The following MED1 variants were observed in gnomAD, a reference collection of about 807,000 sequenced individuals.
The protein encoded by MED1 is mediator complex subunit 1.
A neutral mutation model predicts 121.3 loss-of-function variants in MED1; 17 were observed. That is an observed-to-expected ratio of 0.14 (90% CI 0.10 to 0.21). The LOEUF (loss-of-function observed/expected upper bound fraction) is 0.21. Ranked by LOEUF, MED1 falls within the 10% of genes least tolerant of loss-of-function variation. MED1 has a pLI of 1.00. For missense variants in MED1, 1,558 were observed against 1,919.4 expected (o/e 0.81, Z 3.52); for synonymous variants, 661 against 694.4 (o/e 0.95, Z 0.76).
chr17:39,437,436 G>A (rs953999844), intron 6 of MED1, among the ~76,000 whole-genome samples: 4 of 152,086 alleles, frequency 2.6e-5, no homozygotes, highest in African/African-American at 9.7e-5. Context: ...TTGTGCCCCA[G>A]GGGACATGGT....
intron 3 of MED1, among the ~76,000 whole-genome samples, chr17:39,442,044 A>G (rs2048680339): frequency 6.6e-6 from 1 of 151,218 alleles, no homozygotes; most frequent in Admixed American, 6.6e-5. Flanking sequence ...CGGAGGTTGC[A>G]GTGAGCAGAG....
In MED1 at chr17:39,431,195, G is replaced by A. The variant is rs2144751339; in HGVS notation, c.576-7C>T. ...ACCAGCATTAGTTGCTTTCCTGTAA[G>A]ACAAGTGATCTATGTTTGCTTATAT... is the stretch of plus-strand genomic sequence containing the variant. On this transcript the variant is annotated splice_region_variant and splice_polypyrimidine_tract_variant and intron_variant, in intron 8 of 16. Transcript: ENST00000300651. The A allele has an allele frequency of 6.2e-7, 1 of 1,604,558 alleles. No individual in the cohort carries two copies. Among genetic ancestry groups the A allele is most frequent in the Non-Finnish European group, 8.5e-7 (1 of 1,171,564 alleles).
intron 1 of MED1, 151 bp from the exon 2 acceptor site, chr17:39,448,055 A>G (rs2048744795): frequency 3.4e-6 from 2 of 582,708 alleles, no homozygotes; most frequent in Non-Finnish European, 6.1e-6. Context: ...TCCAAAGAAG[A>G]CATTTTTAAT....
At chr17:39,422,863 C>CTTTTT (rs372712559) in intron 13 of MED1, among the ~76,000 whole-genome samples, 40 of 98,968 alleles carry the variant, frequency 4.0e-4, no homozygotes, top group Non-Finnish European at 6.9e-4. Context: ...TCCGAGATTT[C>CTTTTT]TTTTTTTTTT....
chr17:39,424,805 T>C (rs1433149225), intron 10 of MED1, 67 bp from the exon 11 acceptor site: 3 of 947,160 alleles, frequency 3.2e-6, no homozygotes, highest in Non-Finnish European at 5.0e-6. Flanking sequence ...CAGTATGTTT[T>C]AAGAGGTTAA....
chr17:39,414,037 G>T (rs2048382267), intron 16 of MED1, among the ~76,000 whole-genome samples: 1 of 151,264 alleles, frequency 6.6e-6, no homozygotes, highest in Non-Finnish European at 1.5e-5. Context: ...GACCAGCCTG[G>T]CCAACATGGT....
Position 39,445,944 on chromosome 17 carries a change from G to A in MED1, c.132+1854C>T, listed in dbSNP as rs984131435. ...CTCAGGAGGCTGGGGCAGGAGAATCGCTTGAACCCAGGAGGCGGAGGATGC... is the reference window on the plus strand; with the variant it reads ...CTCAGGAGGCTGGGGCAGGAGAATCACTTGAACCCAGGAGGCGGAGGATGC... On this transcript the variant is annotated intron_variant, in intron 2 of 16. Coordinates refer to ENST00000300651, the MANE Select transcript of MED1 (RefSeq NM_004774.4). 1.2e-4 allele frequency among the ~76,000 whole-genome samples: 18 copies of A among 151,266 alleles called. 1 individual carries two copies. Among genetic ancestry groups the A allele is most frequent in the Admixed American group, 4.6e-4 (7 of 15,112 alleles).
Position 39,423,366 on chromosome 17 carries a change from A to C in MED1, c.1056T>G (p.Pro352=). ...TGTTGTGATTCAAAGGTATGGGGTCAGGGTCCTTTGATAGCTCAAACTGAG... is the reference window on the plus strand; with the variant it reads ...TGTTGTGATTCAAAGGTATGGGGTCCGGGTCCTTTGATAGCTCAAACTGAG... ...LITQFELSKD[P]DPIPLNHNMR... Residue 352 remains proline, a synonymous_variant, in exon 13 of 17, where the codon CCT becomes CCG. Coordinates refer to ENST00000300651, the MANE Select transcript of MED1 (RefSeq NM_004774.4). 1 of 1,613,608 alleles carries C rather than the reference A, an allele frequency of 6.2e-7. No homozygotes were observed. The highest frequency in any genetic ancestry group is 8.5e-7 in the Non-Finnish European group (1 of 1,179,550).
rs1309459280 is a variant in MED1 at position 39,440,542 on chromosome 17, AAATT to A, written c.267-28_267-25del. On this transcript the variant is annotated intron_variant, in intron 4 of 16. Coordinates refer to ENST00000300651, the MANE Select transcript of MED1 (RefSeq NM_004774.4). This position sits in a 1 kb window ranked among gnomAD's most constrained non-coding sequence, Gnocchi z 4.1. ...GTCTAGCAGGAACAAATCAAAACAA[AAATT>A]AATAGAAGACACATAAATAAAGCCA... 3 of 1,611,526 alleles carry A rather than the reference AAATT, an allele frequency of 1.9e-6. No individual in the cohort carries two copies. Among genetic ancestry groups the A allele is most frequent in the Non-Finnish European group, 2.5e-6 (3 of 1,179,508 alleles).
intron 9 of MED1, among the ~76,000 whole-genome samples, chr17:39,430,409 T>C (rs1470486665): frequency 6.6e-6 from 1 of 151,170 alleles, no homozygotes; most frequent in Non-Finnish European, 1.5e-5. Context: ...GAATAAAAAT[T>C]GGCCAGGCGC....
At position 39,408,441 on chromosome 17, in the gene MED1, G is replaced by A; in HGVS notation, c.3780C>T (p.Pro1260=). Residue 1260 remains proline (P), a synonymous_variant, in exon 17 of 17, where the codon CCC becomes CCT. Coordinates refer to ENST00000300651, the MANE Select transcript of MED1 (RefSeq NM_004774.4). The surrounding 1 kb of genome is among the most constrained non-coding windows in gnomAD (Gnocchi z 4.7). ...GSSGSLSQKT[P]PSSNSCTASS... ...ATGCCGTACAGGAATTAGATGATGGGGGAGTTTTCTGGGACAACGAGCCTG... is the reference window on the plus strand; with the variant it reads ...ATGCCGTACAGGAATTAGATGATGGAGGAGTTTTCTGGGACAACGAGCCTG... The A allele has an allele frequency of 6.2e-7, 1 of 1,614,138 alleles. No homozygotes were observed. The highest frequency in any genetic ancestry group is 8.5e-7 in the Non-Finnish European group (1 of 1,180,032).
intron 14 of MED1, among the ~76,000 whole-genome samples, chr17:39,418,971 A>G (rs891053009): frequency 1.3e-5 from 2 of 151,424 alleles, no homozygotes; most frequent in African/African-American, 2.4e-5. Context: ...TATTTTTAGT[A>G]GAGACTGGGT....
intron 2 of MED1, among the ~76,000 whole-genome samples, chr17:39,443,840 T>C (rs1378141270): frequency 6.6e-6 from 1 of 151,734 alleles, no homozygotes. Context: ...TAGAAAAAGG[T>C]ATTCCTCAGC....
Position 39,434,334 on chromosome 17 carries a change from A to G in MED1, c.429-14T>C. 2.9e-6 allele frequency: 4 copies of G among 1,399,896 alleles called. No individual in the cohort carries two copies. The highest frequency in any genetic ancestry group is 3.9e-6 in the Non-Finnish European group (4 of 1,022,722). 86.7% of individuals were successfully genotyped at this position (1,399,896 alleles called of 1,614,324 possible). A position where few individuals can be genotyped will look rare whatever the true frequency, so the allele number is the denominator to read the frequency against. ...AAATTTTTTTCCCTATAAGGAGTTC[A>G]GGGAAGAGGGGAAAGAGAGGAAAAT... On this transcript the variant is annotated splice_polypyrimidine_tract_variant and intron_variant, in intron 6 of 16. Coordinates refer to ENST00000300651, the MANE Select transcript of MED1 (RefSeq NM_004774.4).
intron 16 of MED1, among the ~76,000 whole-genome samples, chr17:39,412,834 C>T (rs751653518): frequency 1.3e-5 from 2 of 152,032 alleles, no homozygotes; most frequent in Non-Finnish European, 2.9e-5. Flanking sequence ...CGCACCCGGC[C>T]GCAAATTTTT....
rs1374982999 is a variant in MED1, at chr17:39,404,570, T to A, written c.*2905A>T. On this transcript the variant is annotated 3_prime_UTR_variant, in exon 17 of 17. Transcript: ENST00000300651. The stretch of plus-strand genomic sequence containing the variant: ...AGCTTCTGAGATGTTAAGTACTTCC[T>A]GCCCCTCCAAAACTAACTCAAGGAT... 1 of 152,220 alleles carries A rather than the reference T, an allele frequency of 6.6e-6. No individual in the cohort carries two copies. Among genetic ancestry groups the A allele is most frequent in the Non-Finnish European group, 1.5e-5 (1 of 68,018 alleles). 9.4% of individuals were successfully genotyped at this position (152,220 alleles called of 1,614,324 possible).
In MED1 at chr17:39,408,345, T is replaced by C; in HGVS notation, c.3876A>G (p.Gly1292=). ...SSQNQHGSSK[G]KSPSRNKKPS... is the part of the protein sequence containing the mutation. ...GCTTCTTGTTTCTGCTGGGAGATTTTCCTTTAGAACTCCCATGCTGGTTCT... is the reference window on the plus strand; with the variant it reads ...GCTTCTTGTTTCTGCTGGGAGATTTCCCTTTAGAACTCCCATGCTGGTTCT... Residue 1292 remains glycine, a synonymous_variant, in exon 17 of 17, where the codon GGA becomes GGG. Transcript: ENST00000300651. This position sits in a 1 kb window ranked among gnomAD's most constrained non-coding sequence, Gnocchi z 4.7. 1.2e-6 allele frequency: 2 copies of C among 1,614,154 alleles called. No individual in the cohort carries two copies. The highest frequency in any genetic ancestry group is 1.7e-6 in the Non-Finnish European group (2 of 1,180,034).
At chr17:39,439,235 T>C in intron 5 of MED1, 42 bp from the exon 6 acceptor site, 3 of 1,530,190 alleles carry the variant, frequency 2.0e-6, no homozygotes, top group Non-Finnish European at 2.6e-6. Flanking sequence ...AAAACTACTT[T>C]AGCAACTTTG....
At chr17:39,434,862 TAAG>T (rs1048405449) in intron 6 of MED1, among the ~76,000 whole-genome samples, 2 of 151,914 alleles carry the variant, frequency 1.3e-5, no homozygotes, top group Admixed American at 6.6e-5. Context: ...GCAGAGATAA[TAAG>T]AAGAAAATAA....
Sources: gnomAD v4.1 joint callset for allele counts (sites outside exome capture counted in the v4.1 genomes callset) on GRCh38, gnomAD v4.1.1 for gene constraint, Gnocchi (gnomAD v3.1) non-coding constraint, MANE v1.5 for transcripts, NCBI Gene and HGNC (gene_info 2026-07-23, HGNC 2026-07-21) for gene names.